Variants in INVS observed in about 807,000 individuals in gnomAD.
INVS encodes inversin.
INVS carries 86 observed loss-of-function variants against 108.8 expected under a neutral mutation model. The ratio of observed to expected loss-of-function variants is 0.79; its 90% confidence interval spans 0.66 to 0.95. The LOEUF (loss-of-function observed/expected upper bound fraction) is 0.95, where lower values mean the gene tolerates loss of function less well. INVS is among the 40% of genes least tolerant of loss of function. The pLI is 0.00. For missense variants in INVS, 1,169 were observed against 1,297.4 expected (o/e 0.90, Z 1.52); for synonymous variants, 455 against 473.5 (o/e 0.96, Z 0.51).
At chr9:100,227,031 C>A (rs1350570008) in intron 4 of INVS, among the ~76,000 whole-genome samples, 2 of 152,082 alleles carry the variant, frequency 1.3e-5, no homozygotes, top group Non-Finnish European at 2.9e-5. Context: ...TGTCCTTGAG[C>A]AAATTGCTTA....
intron 2 of INVS, among the ~76,000 whole-genome samples, chr9:100,112,169 G>T (rs1297582726): frequency 6.6e-6 from 1 of 152,006 alleles, no homozygotes; most frequent in Admixed American, 6.6e-5. Context: ...ACAGGGTTTT[G>T]CTATGTTGGC....
rs1439713982 is a variant in INVS, at chr9:100,128,758, C to T, written c.273+2209C>T. Among the ~76,000 whole-genome samples, 2 of 152,240 alleles carry T rather than the reference C, an allele frequency of 1.3e-5. 1 individual carries two copies. Among genetic ancestry groups the T allele is most frequent in the South Asian group, 4.1e-4 (2 of 4,826 alleles). ...ACTGACAATGAAAGATCACCAAACT[C>T]ATAAGGGAACAATCTACTATGAATG... On this transcript the variant is annotated intron_variant, in intron 3 of 16. Coordinates refer to ENST00000262457, the MANE Select transcript of INVS (RefSeq NM_014425.5).
At chr9:100,201,888 A>G (rs190487749) in intron 3 of INVS, among the ~76,000 whole-genome samples, 7 of 152,352 alleles carry the variant, frequency 4.6e-5, no homozygotes, top group Admixed American at 3.9e-4. Context: ...CCTTACACCC[A>G]AGATAAGGAG....
At chr9:100,132,494 A>G (rs1004247511) in intron 3 of INVS, among the ~76,000 whole-genome samples, 1 of 152,170 alleles carries the variant, frequency 6.6e-6, no homozygotes, top group African/African-American at 2.4e-5. Flanking sequence ...CCTATCTTCT[A>G]TGTAGGGATG....
chr9:100,291,416 T>A (rs1219340765), intron 13 of INVS, among the ~76,000 whole-genome samples: 1 of 152,236 alleles, frequency 6.6e-6, no homozygotes, highest in East Asian at 1.9e-4. Flanking sequence ...TCTCGTATTT[T>A]AAACTTCTTT....
intron 7 of INVS, among the ~76,000 whole-genome samples, chr9:100,245,365 C>T (rs147289009): frequency 1.3e-5 from 2 of 152,218 alleles, no homozygotes; most frequent in South Asian, 2.1e-4. Context: ...CTGCAACCTC[C>T]GTCTCCCGGG....
intron 10 of INVS, among the ~76,000 whole-genome samples, chr9:100,254,134 T>A (rs1027883154): frequency 3.3e-5 from 5 of 152,190 alleles, no homozygotes; most frequent in Non-Finnish European, 5.9e-5. Context: ...GGTATCTCAT[T>A]GTGGTTTTGA....
intron 7 of INVS, among the ~76,000 whole-genome samples, chr9:100,244,124 C>T (rs1831968499): frequency 6.6e-6 from 1 of 152,182 alleles, no homozygotes; most frequent in Non-Finnish European, 1.5e-5. Context: ...CTTATCTTCA[C>T]ACACTTCCTA....
At chr9:100,127,834 C>T (rs1169970151) in intron 3 of INVS, among the ~76,000 whole-genome samples, 1 of 152,126 alleles carries the variant, frequency 6.6e-6, no homozygotes, top group Non-Finnish European at 1.5e-5. Context: ...GTTTTAACTA[C>T]TTCTCGGGTA....
intron 13 of INVS, among the ~76,000 whole-genome samples, chr9:100,290,273 AT>A (rs1833571199): frequency 6.6e-6 from 1 of 151,864 alleles, no homozygotes; most frequent in Non-Finnish European, 1.5e-5. Flanking sequence ...CAGGTAATCA[AT>A]TTCTTTAGTT....
rs560180353 is a variant in INVS, at chr9:100,209,639, G to T, written c.274-16423G>T. 7.9e-5 allele frequency among the ~76,000 whole-genome samples: 12 copies of T among 151,936 alleles called. No individual in the cohort carries two copies. The East Asian group carries it at 2.3e-3, about 29-fold the overall frequency. On this transcript the variant is annotated intron_variant, in intron 3 of 16. Coordinates refer to ENST00000262457, the MANE Select transcript of INVS (RefSeq NM_014425.5). ...CAAAAAATTAGCCGGGCGTGGTGGT[G>T]GGCGCCTGTAGTCCCAGCTACTCAG...
chr9:100,153,263 T>TA lies in INVS; in HGVS notation c.273+26727dup, dbSNP rs11288499. Among the ~76,000 whole-genome samples the TA allele has an allele frequency of 2.5e-3, 355 of 142,758 alleles. 2 individuals are homozygous for TA. The highest frequency in any genetic ancestry group is 7.9e-3 in the African/African-American group (303 of 38,534). The allele number at this position is 142,758 out of a possible 152,430, so 93.7% of individuals were successfully genotyped here. A position where few individuals can be genotyped will look rare whatever the true frequency, so the allele number is the denominator to read the frequency against. ...TTCCAGAAAATGTGGCAAGCAAAGT[T>TA]AAAAAAAAAAAAAGACAAATTGGAA... On this transcript the variant is annotated intron_variant, in intron 3 of 16. Coordinates refer to ENST00000262457, the MANE Select transcript of INVS (RefSeq NM_014425.5).
At chr9:100,191,642 T>G (rs889322256) in intron 3 of INVS, among the ~76,000 whole-genome samples, 9 of 152,204 alleles carry the variant, frequency 5.9e-5, no homozygotes, top group African/African-American at 1.7e-4. Flanking sequence ...TCTCCTTGAG[T>G]AGCTTAACAA....
intron 3 of INVS, among the ~76,000 whole-genome samples, chr9:100,141,065 G>C (rs1011370514): frequency 7.2e-5 from 11 of 152,174 alleles, no homozygotes; most frequent in Admixed American, 6.6e-4. Context: ...TGGAGAAACA[G>C]TGTAAACCAG....
intron 13 of INVS, among the ~76,000 whole-genome samples, chr9:100,286,005 G>C (rs1284624636): frequency 6.6e-6 from 1 of 152,154 alleles, no homozygotes; most frequent in Non-Finnish European, 1.5e-5. Context: ...TGACCTTATG[G>C]ACTTTCTCAG....
At chr9:100,103,851 CTAAT>C (rs1248847487) in intron 1 of INVS, among the ~76,000 whole-genome samples, 1 of 152,050 alleles carries the variant, frequency 6.6e-6, no homozygotes, top group East Asian at 1.9e-4. Flanking sequence ...ATGCCCAGCC[CTAAT>C]TAATTTTTTT....
intron 3 of INVS, among the ~76,000 whole-genome samples, chr9:100,159,205 C>A (rs1829095364): frequency 6.6e-6 from 1 of 152,002 alleles, no homozygotes; most frequent in Admixed American, 6.6e-5. Context: ...GAGAAGAATA[C>A]AAACAAAATG....
chr9:100,177,844 A>C (rs1029002925), intron 3 of INVS, among the ~76,000 whole-genome samples: 8 of 152,196 alleles, frequency 5.3e-5, no homozygotes, highest in African/African-American at 1.9e-4. Context: ...GACACCTCCC[A>C]GCAGGGGCCG....
chr9:100,299,340 T>G (rs558622049), intron 16 of INVS, among the ~76,000 whole-genome samples: 1 of 151,976 alleles, frequency 6.6e-6, no homozygotes, highest in African/African-American at 2.4e-5. Flanking sequence ...ACCCTCCAAC[T>G]TGGAGAACCC....
Sources: allele counts gnomAD v4.1 joint callset (sites outside exome capture counted in the v4.1 genomes callset), GRCh38; gene constraint gnomAD v4.1.1; transcripts MANE v1.5; gene names NCBI Gene and HGNC (gene_info 2026-07-23, HGNC 2026-07-21).